Variants in MAP3K5 observed in about 807,000 individuals in gnomAD.
MAP3K5 encodes mitogen-activated protein kinase kinase kinase 5.
MAP3K5 carries 56 observed loss-of-function variants against 158.7 expected under a neutral mutation model. The observed-to-expected ratio is 0.35, with a 90% confidence interval of 0.28 to 0.44. MAP3K5 has a LOEUF of 0.44. Ranked by LOEUF, MAP3K5 falls within the 20% of genes least tolerant of loss-of-function variation. The pLI is 1.00. For synonymous variants in MAP3K5, 579 were observed against 601.7 expected (o/e 0.96, Z 0.55); for missense variants, 1,294 against 1,674.8 (o/e 0.77, Z 3.97).
intron 1 of MAP3K5, among the ~76,000 whole-genome samples, chr6:136,734,586 A>G (rs1378392960): frequency 6.6e-6 from 1 of 152,140 alleles, no homozygotes; most frequent in Admixed American, 6.5e-5. Flanking sequence ...CTATAAACTC[A>G]TTTTGTATAA....
chr6:136,741,464 T>C (rs781731239), intron 1 of MAP3K5, among the ~76,000 whole-genome samples: 2 of 151,198 alleles, frequency 1.3e-5, no homozygotes, highest in Non-Finnish European at 2.9e-5. Context: ...AAGATGTTGA[T>C]AATTTGCAGT....
rs1338203784 is a variant in MAP3K5 at position 136,597,619 on chromosome 6, A to G, written c.2878+3403T>C. Among the ~76,000 whole-genome samples the G allele has an allele frequency of 5.9e-5, 9 of 152,364 alleles. No individual in the cohort carries two copies. In the East Asian group the frequency reaches 1.7e-3, roughly 29 times the overall value. ...TTCCAGCTTGCACCTCCAGATTCTG[A>G]GAAGGGCCAGGCATTTTAATTTTTA... On this transcript the variant is annotated intron_variant, in intron 21 of 29. Coordinates refer to ENST00000359015, the MANE Select transcript of MAP3K5 (RefSeq NM_005923.4).
In MAP3K5 at chr6:136,560,460, C is replaced by T. The variant is rs116338727; in HGVS notation, c.3987+1073G>A. ...CACCACAGCATTGCAGCCTGGGCGA[C>T]AGAGTGAGATTGTGTCTCAAAAAAC... is the stretch of plus-strand genomic sequence containing the variant. On this transcript the variant is annotated intron_variant, in intron 28 of 29. Transcript: ENST00000359015. Among the ~76,000 whole-genome samples, 756 of 152,116 alleles carry T rather than the reference C, an allele frequency of 5.0e-3. 10 individuals are homozygous for T. Among genetic ancestry groups the T allele is most frequent in the African/African-American group, 0.018 (726 of 41,468 alleles).
At chr6:136,611,188 G>A in intron 18 of MAP3K5, 94 bp downstream of exon 18, 2 of 597,202 alleles carry the variant, frequency 3.3e-6, no homozygotes, top group South Asian at 2.0e-5. Context: ...CTGTGTGTGA[G>A]AACACCAACT....
intron 1 of MAP3K5, among the ~76,000 whole-genome samples, chr6:136,756,522 C>T (rs1783495789): frequency 6.6e-6 from 1 of 152,154 alleles, no homozygotes; most frequent in African/African-American, 2.4e-5. Flanking sequence ...AATCTCGGCT[C>T]ACTGCAACCT....
chr6:136,784,162 C>G (rs897239007), intron 1 of MAP3K5, among the ~76,000 whole-genome samples: 29 of 152,142 alleles, frequency 1.9e-4, no homozygotes, highest in African/African-American at 7.0e-4. Flanking sequence ...CTCGAACTAC[C>G]AACTGATAAT....
At chr6:136,605,448 C>A (rs1178853404) in intron 18 of MAP3K5, 82 bp from the exon 19 acceptor site, 3 of 1,198,646 alleles carry the variant, frequency 2.5e-6, no homozygotes, top group Non-Finnish European at 3.5e-6. Flanking sequence ...CAGAATTTTT[C>A]AACAGAAATG....
intron 21 of MAP3K5, among the ~76,000 whole-genome samples, chr6:136,593,442 T>C (rs188280195): frequency 1.3e-5 from 2 of 152,092 alleles, no homozygotes; most frequent in African/African-American, 4.8e-5. Flanking sequence ...CTTGGGTGAG[T>C]TGCCACTCGG....
At chr6:136,610,873 C>T (rs1285846614) in intron 18 of MAP3K5, among the ~76,000 whole-genome samples, 1 of 151,728 alleles carries the variant, frequency 6.6e-6, no homozygotes, top group East Asian at 1.9e-4. Flanking sequence ...CTTTTGGAGG[C>T]CACAGGTATA....
chr6:136,681,994 C>T (rs1358688406), intron 7 of MAP3K5, among the ~76,000 whole-genome samples: 1 of 152,170 alleles, frequency 6.6e-6, no homozygotes, highest in Admixed American at 6.6e-5. Context: ...CCATCATCTG[C>T]TGAATGTGGT....
At position 136,613,692 on chromosome 6, in the gene MAP3K5, C is replaced by T. The variant is rs75816166; in HGVS notation, c.2279-436G>A. ...GCTAAATCTCTTCCGCATTTTTGTC[C>T]TGTAAATGATTGGAGAAGACTGAAT... On this transcript the variant is annotated intron_variant, in intron 16 of 29. Coordinates refer to ENST00000359015, the MANE Select transcript of MAP3K5 (RefSeq NM_005923.4). This position sits in a 1 kb window ranked among gnomAD's most constrained non-coding sequence, Gnocchi z 4.0. Among the ~76,000 whole-genome samples the T allele has an allele frequency of 0.058, 8,754 of 152,002 alleles. 547 individuals carry two copies. Among genetic ancestry groups the T allele is most frequent in the African/African-American group, 0.14 (6,001 of 41,426 alleles).
chr6:136,592,227 G>A lies in MAP3K5; in HGVS notation c.3171C>T (p.Ile1057=), dbSNP rs368851337. ...CAATTTTGTCTTGGTCTTCCGTCAG[G>A]ATCCTGTGAAGGGTAGCTCGCCTCT... The part of the protein sequence containing the change: ...DSERRATLHR[I]LTEDQDKIVR... Residue 1057 remains isoleucine, a synonymous_variant, in exon 23 of 30, where the codon ATC becomes ATT. Coordinates refer to ENST00000359015, the MANE Select transcript of MAP3K5 (RefSeq NM_005923.4). The A allele has an allele frequency of 9.9e-6, 16 of 1,609,452 alleles. No individual in the cohort carries two copies. The African/African-American group carries it at 2.0e-4, about 20-fold the overall frequency.
At chr6:136,602,662 T>C (rs1262756918) in intron 19 of MAP3K5, among the ~76,000 whole-genome samples, 5 of 152,102 alleles carry the variant, frequency 3.3e-5, no homozygotes, top group Non-Finnish European at 5.9e-5. Flanking sequence ...TGTGCTGGGG[T>C]TTCTCCACTT....
In MAP3K5 at chr6:136,593,740, G is replaced by T. The variant is rs116208129; in HGVS notation, c.2879-1126C>A. 1.7e-3 allele frequency: 705 copies of T among 411,702 alleles called. 8 individuals are homozygous for T. The highest frequency in any genetic ancestry group is 0.013 in the African/African-American group (628 of 46,942). 25.5% of individuals were successfully genotyped at this position (411,702 alleles called of 1,614,324 possible). On this transcript the variant is annotated intron_variant, in intron 21 of 29. Transcript: ENST00000359015. ...AAAAAAAAAAAAAAAAAAGAAAGTG[G>T]TTTTTGCCAGAAACATCTTTATCAA...
At chr6:136,697,792 T>C (rs1307124582) in intron 4 of MAP3K5, among the ~76,000 whole-genome samples, 1 of 152,182 alleles carries the variant, frequency 6.6e-6, no homozygotes. Context: ...TTGCCCAGAC[T>C]AGAGTATACT....
intron 12 of MAP3K5, among the ~76,000 whole-genome samples, chr6:136,642,030 A>AAAAATAAAAATAAAAT (rs1777983380): frequency 8.4e-6 from 1 of 119,340 alleles, no homozygotes; most frequent in African/African-American, 3.5e-5. Context: ...AAAATAAAAT[A>AAAAATAAAAATAAAAT]AAAATAAAAT....
At chr6:136,694,434 A>G in intron 6 of MAP3K5, 124 bp from the exon 7 acceptor site, 1 of 745,730 alleles carries the variant, frequency 1.3e-6, no homozygotes, top group Non-Finnish European at 2.1e-6. Flanking sequence ...AGAAACAATT[A>G]GATTTTGAGA....
chr6:136,750,736 G>C (rs1333743825), intron 1 of MAP3K5, among the ~76,000 whole-genome samples: 2 of 152,116 alleles, frequency 1.3e-5, no homozygotes, highest in East Asian at 3.9e-4. Flanking sequence ...TGAAAATCCT[G>C]TCATTCTCAC....
intron 1 of MAP3K5, among the ~76,000 whole-genome samples, chr6:136,779,206 C>T (rs1784511992): frequency 6.6e-6 from 1 of 151,994 alleles, no homozygotes. Flanking sequence ...AAGATCACAC[C>T]ACCATACTCC....
Sources: allele counts gnomAD v4.1 joint callset (sites outside exome capture counted in the v4.1 genomes callset), GRCh38; gene constraint gnomAD v4.1.1; non-coding constraint Gnocchi (gnomAD v3.1); transcripts MANE v1.5; gene names NCBI Gene and HGNC (gene_info 2026-07-23, HGNC 2026-07-21).